The following AFG2A variants were observed in gnomAD, a reference collection of about 807,000 sequenced individuals.
AFG2A encodes ATPase family gene 2 protein homolog A.
chr4:123,220,717 G>C, the AFG2A span, among the ~76,000 whole-genome samples: 1 of 151,390 alleles, frequency 6.6e-6, no homozygotes. Flanking sequence ...CTAGTTGCTA[G>C]TGATTTTTAG....
At chr4:122,959,954 TAAC>T in the AFG2A span, among the ~76,000 whole-genome samples, 1 of 152,334 alleles carries the variant, frequency 6.6e-6, no homozygotes, top group South Asian at 2.1e-4. Flanking sequence ...TCTGAGCAGA[TAAC>T]AACGTTTGGT....
At chr4:123,066,224 C>T in the AFG2A span, among the ~76,000 whole-genome samples, 2 of 152,164 alleles carry the variant, frequency 1.3e-5, no homozygotes, top group East Asian at 3.8e-4. Context: ...GAGGTACCCT[C>T]TTTTAAGCAG....
chr4:123,238,219 G>T, the AFG2A span, among the ~76,000 whole-genome samples: 3 of 152,212 alleles, frequency 2.0e-5, no homozygotes, highest in Admixed American at 2.0e-4. Context: ...AAGGCCTACT[G>T]CCTCCATGAA....
the AFG2A span, among the ~76,000 whole-genome samples, chr4:123,061,502 C>T: frequency 6.6e-6 from 1 of 152,178 alleles, no homozygotes; most frequent in Non-Finnish European, 1.5e-5. Flanking sequence ...TTGTGCAGGG[C>T]AACTCCCCTT....
the AFG2A span, among the ~76,000 whole-genome samples, chr4:123,280,740 A>G: frequency 4.6e-5 from 7 of 152,152 alleles, no homozygotes; most frequent in Non-Finnish European, 1.0e-4. Flanking sequence ...AATCCAGGAT[A>G]ATCTCCCTAT....
At chr4:123,213,643 A>G in the AFG2A span, among the ~76,000 whole-genome samples, 1 of 152,242 alleles carries the variant, frequency 6.6e-6, no homozygotes, top group Middle Eastern at 3.4e-3. Flanking sequence ...AACATTTTGT[A>G]CTCTAATTTT....
chr4:123,094,543 A>G, the AFG2A span, among the ~76,000 whole-genome samples: 1 of 152,136 alleles, frequency 6.6e-6, no homozygotes, highest in African/African-American at 2.4e-5. Context: ...AAATCAAGCT[A>G]TACTGGGGGA....
chr4:123,159,046 T>C, the AFG2A span, among the ~76,000 whole-genome samples: 1 of 152,200 alleles, frequency 6.6e-6, no homozygotes, highest in South Asian at 2.1e-4. Flanking sequence ...GAGTGTTTAT[T>C]TGACTCCTAG....
At chr4:123,274,506 G>T in the AFG2A span, among the ~76,000 whole-genome samples, 2 of 151,348 alleles carry the variant, frequency 1.3e-5, no homozygotes, top group Admixed American at 1.3e-4. Context: ...TTTTACCTTG[G>T]GTATGAGTTT....
chr4:123,215,704 A>G, the AFG2A span, among the ~76,000 whole-genome samples: 59 of 152,062 alleles, frequency 3.9e-4, no homozygotes, highest in African/African-American at 1.4e-3. Context: ...TTCCCTCCAC[A>G]CCAACTAAAG....
the AFG2A span, among the ~76,000 whole-genome samples, chr4:123,309,925 G>A: frequency 6.8e-3 from 1,036 of 152,274 alleles, 5 homozygotes; most frequent in Middle Eastern, 0.017. Context: ...AAATGCTGGC[G>A]TGGACCATGA....
At chr4:123,102,796 T>TTG in the AFG2A span, among the ~76,000 whole-genome samples, 1 of 78,290 alleles carries the variant, frequency 1.3e-5, no homozygotes, top group Admixed American at 1.4e-4. Flanking sequence ...GTTCCTGGCA[T>TTG]TCTGTGTGTG....
chr4:123,177,031 C>T, the AFG2A span, among the ~76,000 whole-genome samples: 1 of 152,030 alleles, frequency 6.6e-6, no homozygotes, highest in Non-Finnish European at 1.5e-5. Context: ...TTTAAATGTA[C>T]CCAAAAGCTT....
At chr4:123,248,923 A>G in the AFG2A span, among the ~76,000 whole-genome samples, 8 of 152,192 alleles carry the variant, frequency 5.3e-5, no homozygotes, top group Non-Finnish European at 1.2e-4. Context: ...AAGAGTAATC[A>G]CTATAATAGC....
At chr4:123,017,643 T>C in the AFG2A span, among the ~76,000 whole-genome samples, 1 of 152,114 alleles carries the variant, frequency 6.6e-6, no homozygotes, top group African/African-American at 2.4e-5. Flanking sequence ...TTTAGTAATT[T>C]GGTACACTTA....
At chr4:123,182,321 A>G in the AFG2A span, among the ~76,000 whole-genome samples, 10 of 152,218 alleles carry the variant, frequency 6.6e-5, no homozygotes, top group African/African-American at 2.4e-4. Flanking sequence ...CATCTGGCAA[A>G]TAGACACTCA....
At chr4:123,296,834 A>G in the AFG2A span, among the ~76,000 whole-genome samples, 2 of 152,088 alleles carry the variant, frequency 1.3e-5, no homozygotes, top group South Asian at 2.1e-4. Context: ...CCTTTCTCCT[A>G]TTTTCTAAGG....
the AFG2A span, among the ~76,000 whole-genome samples, chr4:122,978,956 G>A: frequency 4.6e-5 from 7 of 152,202 alleles, no homozygotes; most frequent in East Asian, 1.9e-4. Context: ...CTGGGTTCTC[G>A]AGAGTGGAGG....
chr4:123,300,811 C>T, the AFG2A span, among the ~76,000 whole-genome samples: 4 of 149,578 alleles, frequency 2.7e-5, no homozygotes, highest in African/African-American at 9.9e-5. Context: ...CTCTTCATGT[C>T]GATAAAGATC....
Sources: allele counts gnomAD v4.1 joint callset (sites outside exome capture counted in the v4.1 genomes callset), GRCh38; gene constraint gnomAD v4.1.1; transcripts MANE v1.5; gene names NCBI Gene and HGNC (gene_info 2026-07-23, HGNC 2026-07-21).